AUTS2: variants seen among roughly 807,000 people sequenced by gnomAD.
AUTS2 encodes the protein autism susceptibility gene 2 protein.
AUTS2 carries 17 observed loss-of-function variants against 112.4 expected under a neutral mutation model. The observed-to-expected ratio is 0.15, with a 90% CI of 0.10 to 0.23. The LOEUF (loss-of-function observed/expected upper bound fraction) is 0.23. Ranked by LOEUF, AUTS2 falls within the 10% of genes least tolerant of loss-of-function variation. The pLI is 1.00. For synonymous variants in AUTS2, 751 were observed against 702.7 expected, an observed-to-expected ratio of 1.07 and a Z score of -1.09; for missense variants, 1,510 against 1,701.6, an observed-to-expected ratio of 0.89 and a Z score of 1.98.
At chr7:70,121,816 A>G (rs1805697131) in intron 3 of AUTS2, among the ~76,000 whole-genome samples, 1 of 152,182 alleles carries the variant, frequency 6.6e-6, no homozygotes, top group Non-Finnish European at 1.5e-5. Flanking sequence ...TGACCCAGCA[A>G]TTTCACTTTT....
chr7:70,004,365 AATATATATTC>A (rs1799434539), intron 2 of AUTS2, among the ~76,000 whole-genome samples: 1 of 131,882 alleles, frequency 7.6e-6, no homozygotes, highest in Non-Finnish European at 1.6e-5. Flanking sequence ...ATTATGTATG[AATATATATTC>A]ATATATATAT....
chr7:70,283,557 T>G (rs536149577), intron 4 of AUTS2, among the ~76,000 whole-genome samples: 3 of 152,196 alleles, frequency 2.0e-5, no homozygotes, highest in Admixed American at 6.5e-5. Context: ...TGTGTATATA[T>G]GTATGTATAC....
chr7:70,565,422 G>A (rs1356789302), intron 5 of AUTS2, among the ~76,000 whole-genome samples: 1 of 152,166 alleles, frequency 6.6e-6, no homozygotes. Flanking sequence ...GCTCAGGCCT[G>A]TAATTTCATA....
At chr7:69,748,545 G>C (rs1034469128) in intron 1 of AUTS2, among the ~76,000 whole-genome samples, 2 of 152,138 alleles carry the variant, frequency 1.3e-5, no homozygotes, top group African/African-American at 4.8e-5. Context: ...AGCTTCCCTT[G>C]ATCCCTGACT....
intron 5 of AUTS2, among the ~76,000 whole-genome samples, chr7:70,646,162 A>T (rs1345147702): frequency 6.6e-6 from 1 of 152,228 alleles, no homozygotes; most frequent in East Asian, 1.9e-4. Context: ...AGCCACAGCC[A>T]TCACAGTTGA....
chr7:69,972,140 G>T (rs1053670417), intron 2 of AUTS2, among the ~76,000 whole-genome samples: 2 of 152,026 alleles, frequency 1.3e-5, no homozygotes, highest in African/African-American at 4.8e-5. Flanking sequence ...CCATTCTATT[G>T]GTGTGTACTG....
intron 1 of AUTS2, among the ~76,000 whole-genome samples, chr7:69,776,830 T>A (rs77113568): frequency 0.013 from 1,985 of 152,328 alleles, 20 homozygotes; most frequent in East Asian, 0.053. Context: ...AAATTTTATC[T>A]TCTGTTGTTC....
intron 1 of AUTS2, among the ~76,000 whole-genome samples, chr7:69,735,296 A>G (rs951432325): frequency 3.3e-5 from 5 of 152,178 alleles, no homozygotes; most frequent in African/African-American, 9.7e-5. Context: ...AGACCTGGTT[A>G]TGAAAGGAGA....
intron 2 of AUTS2, among the ~76,000 whole-genome samples, chr7:69,935,132 A>T (rs1450259387): frequency 6.6e-6 from 1 of 152,048 alleles, no homozygotes; most frequent in African/African-American, 2.4e-5. Context: ...GCAAACAGTC[A>T]CATAATCACA....
chr7:70,425,448 G>A (rs374073221), intron 4 of AUTS2, among the ~76,000 whole-genome samples: 13 of 152,164 alleles, frequency 8.5e-5, no homozygotes, highest in African/African-American at 3.1e-4. Flanking sequence ...GTGATCACCT[G>A]AGATTCCCAG....
intron 1 of AUTS2, among the ~76,000 whole-genome samples, chr7:69,766,804 A>G (rs1788440892): frequency 6.6e-6 from 1 of 152,262 alleles, no homozygotes; most frequent in African/African-American, 2.4e-5. Flanking sequence ...TGAAATGCTC[A>G]TCAGCTGGTG....
At position 70,053,544 on chromosome 7, in the gene AUTS2, G is replaced by GTTTTTTTTTTTTTTTTTTTTTTTT. The variant is rs200867539; in HGVS notation, c.523-64576_523-64575insTTTTTTTTTTTTTTTTTTTTTTTT. 8.1e-3 allele frequency among the ~76,000 whole-genome samples: 1,027 copies of GTTTTTTTTTTTTTTTTTTTTTTTT among 127,490 alleles called. 58 individuals are homozygous for GTTTTTTTTTTTTTTTTTTTTTTTT. The highest frequency in any genetic ancestry group is 0.011 in the Non-Finnish European group (642 of 60,764). The allele number at this position is 127,490 out of a possible 152,430, so 83.6% of individuals were successfully genotyped here. A position where few individuals can be genotyped will look rare whatever the true frequency, so the allele number is the denominator to read the frequency against. On this transcript the variant is annotated intron_variant, in intron 2 of 18. Coordinates refer to ENST00000342771, the MANE Select transcript of AUTS2 (RefSeq NM_015570.4). ...ATTGTGGCAACCACTGTTTTGGGTG[G>GTTTTTTTTTTTTTTTTTTTTTTTT]TTTTTTTTTTTTGGAGACAGGATCT...
chr7:70,574,999 T>G (rs1192407310), intron 5 of AUTS2, among the ~76,000 whole-genome samples: 2 of 152,194 alleles, frequency 1.3e-5, no homozygotes, highest in Non-Finnish European at 2.9e-5. Context: ...TCCTTTTCCT[T>G]GGGAAACAGG....
rs562069815 is a variant in AUTS2, at chr7:70,182,542, G to A, written c.660+47971G>A. Among the ~76,000 whole-genome samples the A allele has an allele frequency of 2.4e-4, 36 of 152,216 alleles. No homozygotes were observed. The Middle Eastern group carries it at 0.014, about 58-fold the overall frequency. The stretch of plus-strand genomic sequence containing the variant: ...TAAAATAATAATTTATAATCAAATC[G>A]AACTGAATGGATCATTTGGTTCTCA... On this transcript the variant is annotated intron_variant, in intron 4 of 18. Coordinates refer to ENST00000342771, the MANE Select transcript of AUTS2 (RefSeq NM_015570.4).
intron 3 of AUTS2, among the ~76,000 whole-genome samples, chr7:70,124,478 T>C: frequency 6.6e-6 from 1 of 152,210 alleles, no homozygotes. Flanking sequence ...CCAGGGTTTT[T>C]ATAGTTCTGG....
chr7:69,634,184 A>G (rs1023190387), intron 1 of AUTS2, among the ~76,000 whole-genome samples: 1 of 151,464 alleles, frequency 6.6e-6, no homozygotes, highest in Non-Finnish European at 1.5e-5. Context: ...CAGTGGCGCA[A>G]TCTCGGCTCA....
chr7:70,665,153 C>A (rs1019546580), intron 5 of AUTS2, among the ~76,000 whole-genome samples: 3 of 152,168 alleles, frequency 2.0e-5, no homozygotes, highest in African/African-American at 7.2e-5. Context: ...CAAACTAATA[C>A]AAAACTGGCT....
rs904065904 is a variant in AUTS2 at position 70,574,373 on chromosome 7, C to T, written c.691-124196C>T. On this transcript the variant is annotated intron_variant, in intron 5 of 18. Coordinates refer to ENST00000342771, the MANE Select transcript of AUTS2 (RefSeq NM_015570.4). ...TGCCAACGATCTTTGAATAGAATCCCTTGGAGTTTCTACCCGTATGTCTTT... is the reference window on the plus strand; with the variant it reads ...TGCCAACGATCTTTGAATAGAATCCTTTGGAGTTTCTACCCGTATGTCTTT... Among the ~76,000 whole-genome samples the T allele has an allele frequency of 5.9e-5, 9 of 152,166 alleles. 1 individual carries two copies. Among genetic ancestry groups the T allele is most frequent in the Admixed American group, 2.0e-4 (3 of 15,272 alleles).
intron 1 of AUTS2, among the ~76,000 whole-genome samples, chr7:69,830,075 G>A (rs1791433417): frequency 6.6e-6 from 1 of 152,164 alleles, no homozygotes; most frequent in Admixed American, 6.5e-5. Flanking sequence ...ATGAGATTAT[G>A]TCCTTTACAG....
Sources: allele counts gnomAD v4.1 joint callset (sites outside exome capture counted in the v4.1 genomes callset), GRCh38; gene constraint gnomAD v4.1.1; transcripts MANE v1.5; gene names NCBI Gene and HGNC (gene_info 2026-07-23, HGNC 2026-07-21).